KCNN3: variants seen among roughly 807,000 people sequenced by gnomAD.
The protein encoded by KCNN3 is small conductance calcium-activated potassium channel protein 3.
KCNN3 carries 16 observed loss-of-function variants against 62.9 expected under a neutral mutation model. The ratio of observed to expected loss-of-function variants is 0.25; its 90% CI spans 0.17 to 0.39. The LOEUF is 0.39. Among genes scored for constraint, KCNN3 ranks in the 10% least tolerant of loss-of-function variants. KCNN3 has a pLI of 1.00. For missense variants in KCNN3, 599 were observed against 949.4 expected (o/e 0.63, Z 4.85); for synonymous variants, 370 against 389.2 (o/e 0.95, Z 0.58).
chr1:154,702,654 G>C lies in KCNN3; in HGVS notation c.*5322C>G, dbSNP rs1471228294. ...AGCTAGAGAATGTTGTTTATTCCTT[G>C]TCCTTCTTGAGTGAAGCTGGACGTT... On this transcript the variant is annotated 3_prime_UTR_variant, in exon 8 of 8. Transcript: ENST00000271915. 1 of 136,080 alleles carries C rather than the reference G, an allele frequency of 7.3e-6. No homozygotes were observed. Among genetic ancestry groups the C allele is most frequent in the African/African-American group, 2.7e-5 (1 of 36,772 alleles). 8.4% of individuals were successfully genotyped at this position (136,080 alleles called of 1,614,324 possible). A position where few individuals can be genotyped will look rare whatever the true frequency, so the allele number is the denominator to read the frequency against.
intron 1 of KCNN3, among the ~76,000 whole-genome samples, chr1:154,853,884 C>G (rs915633454): frequency 6.6e-6 from 1 of 152,052 alleles, no homozygotes; most frequent in Admixed American, 6.6e-5. Flanking sequence ...GCGGAAGTTG[C>G]AGTGAGCCGA....
intron 1 of KCNN3, among the ~76,000 whole-genome samples, chr1:154,847,130 A>T (rs1652099428): frequency 6.6e-6 from 1 of 150,854 alleles, no homozygotes; most frequent in South Asian, 2.1e-4. Flanking sequence ...TCCGCCAAGC[A>T]TCTACCAGGG....
chr1:154,802,465 G>A (rs1162382868), intron 2 of KCNN3, among the ~76,000 whole-genome samples: 1 of 152,196 alleles, frequency 6.6e-6, no homozygotes, highest in African/African-American at 2.4e-5. Context: ...CAGGGCAGCT[G>A]GCCAGGGGCA....
intron 2 of KCNN3, among the ~76,000 whole-genome samples, chr1:154,803,158 C>T (rs1015253534): frequency 1.2e-4 from 19 of 152,272 alleles, no homozygotes; most frequent in South Asian, 8.3e-4. Context: ...AGGCCCTAGA[C>T]ACCAATGAGC....
rs796631997 is a variant in KCNN3 at position 154,809,758 on chromosome 1, G to A, written c.1029+12331C>T. On this transcript the variant is annotated intron_variant, in intron 2 of 7. Coordinates refer to ENST00000271915, the MANE Select transcript of KCNN3 (RefSeq NM_002249.6). This position sits in a 1 kb window ranked among gnomAD's most constrained non-coding sequence, Gnocchi z 4.3. ...TACAGTTCTCACCTAAAAAGCCAACGGTATTAGGAAGGATGGGAGATTGAG... is the reference window on the plus strand; with the variant it reads ...TACAGTTCTCACCTAAAAAGCCAACAGTATTAGGAAGGATGGGAGATTGAG... Among the ~76,000 whole-genome samples, 23 of 152,308 alleles carry A rather than the reference G, an allele frequency of 1.5e-4. No homozygotes were observed. The highest frequency in any genetic ancestry group is 5.3e-4 in the African/African-American group (22 of 41,576).
At chr1:154,790,718 C>T (rs1009912782) in intron 2 of KCNN3, among the ~76,000 whole-genome samples, 1 of 152,088 alleles carries the variant, frequency 6.6e-6, no homozygotes, top group Non-Finnish European at 1.5e-5. Flanking sequence ...ATCATAAAGT[C>T]GACAAATCTT....
intron 2 of KCNN3, among the ~76,000 whole-genome samples, chr1:154,811,034 C>T (rs988677857): frequency 2.0e-5 from 3 of 152,182 alleles, no homozygotes; most frequent in Admixed American, 6.5e-5. Flanking sequence ...ACGGGACTGT[C>T]GCCAAGAATC....
intron 3 of KCNN3, among the ~76,000 whole-genome samples, chr1:154,763,259 GT>G (rs1250550854): frequency 6.6e-6 from 1 of 151,876 alleles, no homozygotes; most frequent in East Asian, 1.9e-4. Context: ...TGTTTTTCTG[GT>G]TTTTAAATTC....
At chr1:154,723,555 C>G (rs746509296) in intron 5 of KCNN3, among the ~76,000 whole-genome samples, 39 of 152,166 alleles carry the variant, frequency 2.6e-4, no homozygotes, top group Non-Finnish European at 4.6e-4. Flanking sequence ...GTTTATTTTC[C>G]TGGCATACAA....
rs1648606504 is a variant in KCNN3, at chr1:154,772,479, G to A, written c.1030-86C>T. On this transcript the variant is annotated intron_variant, in intron 2 of 7. Coordinates refer to ENST00000271915, the MANE Select transcript of KCNN3 (RefSeq NM_002249.6). This position sits in a 1 kb window ranked among gnomAD's most constrained non-coding sequence, Gnocchi z 5.6. ...GGCAGGACAGGTGGGGCAGGCTGGG[G>A]CAGGCTGCTGGGCTCAGGTCAGCCT... The A allele has an allele frequency of 3.6e-6, 5 of 1,381,074 alleles. No individual in the cohort carries two copies. The South Asian group carries it at 6.1e-5, about 17-fold the overall frequency. The allele number at this position is 1,381,074 out of a possible 1,614,324, so 85.6% of individuals were successfully genotyped here.
chr1:154,832,439 G>T (rs1395715275), intron 1 of KCNN3, among the ~76,000 whole-genome samples: 1 of 151,928 alleles, frequency 6.6e-6, no homozygotes, highest in Non-Finnish European at 1.5e-5. Context: ...CATCCAGGGT[G>T]TACAGAGTTA....
intron 2 of KCNN3, among the ~76,000 whole-genome samples, chr1:154,784,243 A>G (rs1649182277): frequency 6.6e-6 from 1 of 152,058 alleles, no homozygotes; most frequent in Non-Finnish European, 1.5e-5. Context: ...AAATGTTCTA[A>G]AATACAAACC....
chr1:154,762,638 A>T (rs997821198), intron 3 of KCNN3, among the ~76,000 whole-genome samples: 7 of 152,216 alleles, frequency 4.6e-5, no homozygotes, highest in Admixed American at 3.3e-4. Flanking sequence ...TTTTTGAGGG[A>T]CTGAAATCTA....
At position 154,705,723 on chromosome 1, in the gene KCNN3, TCA is replaced by T; in HGVS notation, c.*2251_*2252del. 1 of 152,210 alleles carries T rather than the reference TCA, an allele frequency of 6.6e-6. No homozygotes were observed. Among genetic ancestry groups the T allele is most frequent in the East Asian group, 1.9e-4 (1 of 5,180 alleles). The allele number at this position is 152,210 out of a possible 1,614,324, so 9.4% of individuals were successfully genotyped here. On this transcript the variant is annotated 3_prime_UTR_variant, in exon 8 of 8. Transcript: ENST00000271915. ...TCTCTATATGTGCACACACCCACAC[TCA>T]CACCCACACGCACACATATCACAGG...
intron 1 of KCNN3, among the ~76,000 whole-genome samples, chr1:154,856,618 G>A (rs968408884): frequency 6.6e-5 from 10 of 152,140 alleles, no homozygotes; most frequent in Admixed American, 2.6e-4. Context: ...TTCACAGAGC[G>A]CTCCATGTGT....
At chr1:154,866,403 T>C (rs533168429) in intron 1 of KCNN3, among the ~76,000 whole-genome samples, 1 of 152,280 alleles carries the variant, frequency 6.6e-6, no homozygotes, top group South Asian at 2.1e-4. Context: ...TTCTCCCTAC[T>C]CGACAGCTGG....
At chr1:154,770,558 G>T (rs1404499841) in intron 3 of KCNN3, among the ~76,000 whole-genome samples, 1 of 152,158 alleles carries the variant, frequency 6.6e-6, no homozygotes, top group Non-Finnish European at 1.5e-5. Context: ...AATTACACAG[G>T]ATGCTTCACC....
intron 2 of KCNN3, among the ~76,000 whole-genome samples, chr1:154,797,296 G>A (rs966601219): frequency 3.9e-5 from 6 of 152,096 alleles, no homozygotes; most frequent in African/African-American, 1.4e-4. Flanking sequence ...CCTGGACTTC[G>A]GAGTCAGGCA....
rs1161039197 is a variant in KCNN3, at chr1:154,706,126, CAA to C, written c.*1848_*1849del. ...GCAGGCCATTAAGACTATAAACCAT[CAA>C]AAGAGCAGCAGCAATAGCAAGAGAG... On this transcript the variant is annotated 3_prime_UTR_variant, in exon 8 of 8. Transcript: ENST00000271915. 3 of 152,194 alleles carry C rather than the reference CAA, an allele frequency of 2.0e-5. No homozygotes were observed. Among genetic ancestry groups the C allele is most frequent in the African/African-American group, 7.2e-5 (3 of 41,434 alleles). The allele number at this position is 152,194 out of a possible 1,614,324, so 9.4% of individuals were successfully genotyped here. A position where few individuals can be genotyped will look rare whatever the true frequency, so the allele number is the denominator to read the frequency against.
Sources: gnomAD v4.1 joint callset for allele counts (sites outside exome capture counted in the v4.1 genomes callset) on GRCh38, gnomAD v4.1.1 for gene constraint, Gnocchi (gnomAD v3.1) non-coding constraint, MANE v1.5 for transcripts, NCBI Gene and HGNC (gene_info 2026-07-23, HGNC 2026-07-21) for gene names.